MGMT: variants seen among roughly 807,000 people sequenced by gnomAD.
MGMT encodes the protein O-6-methylguanine-DNA methyltransferase, also known as methylated-DNA--protein-cysteine methyltransferase.
In MGMT, 14 loss-of-function variants were observed where a neutral mutation model predicts 15.9. That is an observed-to-expected ratio of 0.88 (90% CI 0.58 to 1.37). The LOEUF (loss-of-function observed/expected upper bound fraction) is 1.37. MGMT is among the 40% of genes most tolerant of loss of function. The pLI is 0.00. For missense variants in MGMT, 282 were observed against 268.1 expected (o/e 1.05, Z -0.36); for synonymous variants, 130 against 118.2 (o/e 1.10, Z -0.65).
chr10:129,486,037 G>T (rs1845405200), intron 1 of MGMT, among the ~76,000 whole-genome samples: 1 of 152,154 alleles, frequency 6.6e-6, no homozygotes, highest in African/African-American at 2.4e-5. Context: ...TACCTTATTA[G>T]ACTTGATATA....
chr10:129,663,681 A>G (rs1295333697), intron 2 of MGMT, among the ~76,000 whole-genome samples: 1 of 152,232 alleles, frequency 6.6e-6, no homozygotes, highest in Non-Finnish European at 1.5e-5. Context: ...AAAAAGCACA[A>G]GAGACTAATT....
chr10:129,544,287 CCACCGGATAGGCACGTTGCCGCCA>C (rs900078963), intron 2 of MGMT, among the ~76,000 whole-genome samples: 2 of 152,212 alleles, frequency 1.3e-5, no homozygotes, highest in Non-Finnish European at 2.9e-5. Flanking sequence ...GAAGTGGCAG[CCACCGGATAGGCACGTTGCCGCCA>C]CAGCCAGCAT....
At chr10:129,749,076 G>A (rs572485443) in intron 3 of MGMT, among the ~76,000 whole-genome samples, 4 of 152,186 alleles carry the variant, frequency 2.6e-5, no homozygotes, top group Admixed American at 2.6e-4. Context: ...AATACAGTCA[G>A]ATTCTCTTGT....
chr10:129,560,540 C>T (rs1322169588), intron 2 of MGMT, among the ~76,000 whole-genome samples: 1 of 152,180 alleles, frequency 6.6e-6, no homozygotes, highest in Non-Finnish European at 1.5e-5. Context: ...CAAAACAAAC[C>T]ATGGCCTACT....
intron 2 of MGMT, among the ~76,000 whole-genome samples, chr10:129,562,439 C>T (rs1288214527): frequency 6.6e-6 from 1 of 152,152 alleles, no homozygotes; most frequent in Non-Finnish European, 1.5e-5. Flanking sequence ...GATTTATTAT[C>T]GGAGGACAGC....
At chr10:129,625,466 C>A (rs537365117) in intron 2 of MGMT, among the ~76,000 whole-genome samples, 142 of 152,160 alleles carry the variant, frequency 9.3e-4, no homozygotes, top group Admixed American at 3.3e-3. Flanking sequence ...ATTTTAAAAT[C>A]CTAATAAAAT....
intron 1 of MGMT, among the ~76,000 whole-genome samples, chr10:129,511,807 G>A (rs956139625): frequency 6.6e-6 from 1 of 152,162 alleles, no homozygotes; most frequent in African/African-American, 2.4e-5. Context: ...ATGCAAAGTG[G>A]CGTCTGGGCT....
intron 3 of MGMT, among the ~76,000 whole-genome samples, chr10:129,741,404 C>T (rs1019872980): frequency 6.6e-6 from 1 of 152,190 alleles, no homozygotes; most frequent in East Asian, 1.9e-4. Context: ...TGAGTGGCCA[C>T]GCGTGTGGTG....
At chr10:129,662,799 A>C (rs1416686094) in intron 2 of MGMT, among the ~76,000 whole-genome samples, 1 of 152,142 alleles carries the variant, frequency 6.6e-6, no homozygotes, top group Admixed American at 6.5e-5. Flanking sequence ...ACCAAGCAGA[A>C]ATCAGGCTAA....
rs10543851 is a variant in MGMT at position 129,646,719 on chromosome 10, A to AATATATATAT, written c.126-61149_126-61140dup. Among the ~76,000 whole-genome samples, 255 of 81,570 alleles carry AATATATATAT rather than the reference A, an allele frequency of 3.1e-3. 4 individuals carry two copies. The highest frequency in any genetic ancestry group is 4.7e-3 in the African/African-American group (99 of 21,056). 53.5% of individuals were successfully genotyped at this position (81,570 alleles called of 152,430 possible). On this transcript the variant is annotated intron_variant, in intron 2 of 4. Transcript: ENST00000651593. ...TTCCAGAAGCCTGCTGCCCATCAGA[A>AATATATATAT]ATATATATATATATATATATATATA...
chr10:129,626,871 G>A (rs1050238815), intron 2 of MGMT, among the ~76,000 whole-genome samples: 1 of 152,242 alleles, frequency 6.6e-6, no homozygotes, highest in African/African-American at 2.4e-5. Context: ...TATGGAGCTG[G>A]TGTAAGGAGA....
intron 2 of MGMT, among the ~76,000 whole-genome samples, chr10:129,590,351 G>A (rs183570374): frequency 1.0e-3 from 158 of 152,272 alleles, no homozygotes; most frequent in Non-Finnish European, 1.8e-3. Flanking sequence ...AAAGTACCTG[G>A]ATCCCAGAGT....
intron 2 of MGMT, among the ~76,000 whole-genome samples, chr10:129,563,284 G>A (rs1385797152): frequency 6.6e-6 from 1 of 152,186 alleles, no homozygotes; most frequent in African/African-American, 2.4e-5. Flanking sequence ...GGCGAGGACA[G>A]TGTTTGAGTT....
chr10:129,468,742 A>G (rs535201195), intron 1 of MGMT, among the ~76,000 whole-genome samples: 3 of 152,116 alleles, frequency 2.0e-5, no homozygotes, highest in Admixed American at 6.5e-5. Flanking sequence ...AAAATTATCC[A>G]GGCGTGGTGG....
chr10:129,674,575 C>A (rs747488715), intron 2 of MGMT, among the ~76,000 whole-genome samples: 1 of 152,220 alleles, frequency 6.6e-6, no homozygotes, highest in Non-Finnish European at 1.5e-5. Context: ...CTTTGGTAAC[C>A]CAGATACCAA....
chr10:129,603,004 C>T (rs1846842854), intron 2 of MGMT, among the ~76,000 whole-genome samples: 1 of 152,194 alleles, frequency 6.6e-6, no homozygotes, highest in African/African-American at 2.4e-5. Flanking sequence ...GGCAACTATA[C>T]GAACCTATGT....
At chr10:129,729,034 C>T (rs1209324795) in intron 3 of MGMT, among the ~76,000 whole-genome samples, 2 of 152,054 alleles carry the variant, frequency 1.3e-5, no homozygotes, top group Admixed American at 6.5e-5. Flanking sequence ...TAGAAATCCC[C>T]GCATTGAAGG....
chr10:129,657,638 TGGAGCTG>T (rs375543118), intron 2 of MGMT, among the ~76,000 whole-genome samples: 1 of 135,936 alleles, frequency 7.4e-6, no homozygotes, highest in African/African-American at 2.9e-5. Flanking sequence ...GAGGAGGAGC[TGGAGCTG>T]GGGGGGGGAC....
intron 2 of MGMT, among the ~76,000 whole-genome samples, chr10:129,591,316 G>C (rs1178268790): frequency 1.3e-5 from 2 of 152,236 alleles, no homozygotes; most frequent in Non-Finnish European, 2.9e-5. Context: ...AGCAGAGCGA[G>C]GAGTGAAATG....
Sources: gnomAD v4.1 joint callset for allele counts (sites outside exome capture counted in the v4.1 genomes callset) on GRCh38, gnomAD v4.1.1 for gene constraint, MANE v1.5 for transcripts, NCBI Gene and HGNC (gene_info 2026-07-23, HGNC 2026-07-21) for gene names.